The following SVOPL variants were observed in gnomAD, a reference collection of about 807,000 sequenced individuals.
SVOPL encodes the protein SVOP like.
SVOPL carries 60 observed loss-of-function variants against 61.0 expected under a neutral mutation model. The ratio of observed to expected loss-of-function variants is 0.98; its 90% CI spans 0.80 to 1.22. The LOEUF is 1.22. Ranked by LOEUF, SVOPL falls within the 50% of genes most tolerant of loss-of-function variation. SVOPL has a pLI of 0.00. For missense variants in SVOPL, 662 were observed against 643.9 expected (o/e 1.03, Z -0.30); for synonymous variants, 279 against 250.0 (o/e 1.12, Z -1.09).
chr7:138,644,771 A>G lies in SVOPL; in HGVS notation c.735T>C (p.Val245=). Residue 245 remains valine (V), a synonymous_variant, in exon 9 of 16, where the codon GTT becomes GTC. Transcript: ENST00000674285. ...TRAALATLER[V]AKMNRSVMPE... is the part of the protein sequence containing the mutation. The stretch of plus-strand genomic sequence containing the variant: ...GCATGACCGAGCGGTTCATCTTGGC[A>G]ACGCGCTCCAGAGTGGCCAGGGCAG... 2 of 1,614,180 alleles carry G rather than the reference A, an allele frequency of 1.2e-6. No individual in the cohort carries two copies. The highest frequency in any genetic ancestry group is 2.2e-5 in the East Asian group (1 of 44,874).
chr7:138,690,067 G>T (rs1563139827), intron 1 of SVOPL, among the ~76,000 whole-genome samples: 1 of 151,968 alleles, frequency 6.6e-6, no homozygotes, highest in Non-Finnish European at 1.5e-5. Context: ...TAGGGGAGAG[G>T]CATGAATCAG....
chr7:138,648,688 A>ACGCTGCACTCCAGCGC (rs1471882590), intron 8 of SVOPL, among the ~76,000 whole-genome samples: 15 of 151,086 alleles, frequency 9.9e-5, no homozygotes, highest in Admixed American at 1.3e-4. Flanking sequence ...AGCCTGGGGG[A>ACGCTGCACTCCAGCGC]CGCTGCACTC....
chr7:138,681,980 C>T (rs958300524), intron 1 of SVOPL, among the ~76,000 whole-genome samples: 2 of 152,164 alleles, frequency 1.3e-5, no homozygotes, highest in South Asian at 4.1e-4. Flanking sequence ...CCTCATTGAT[C>T]ACCTTTGGAG....
In SVOPL at chr7:138,678,433, C is replaced by T. The variant is rs555321942; in HGVS notation, c.174+1G>A. On this transcript the variant is annotated splice_donor_variant, in intron 3 of 15. Coordinates refer to ENST00000674285, the MANE Select transcript of SVOPL (RefSeq NM_001139456.2). LOFTEE classifies it high-confidence loss of function. Reference sequence around the variant, plus strand: ...CGTCAACATCTCGAAGGAGCACTCACCCCAGTACTGCCCATGATCAGAAAG... The same window carrying T: ...CGTCAACATCTCGAAGGAGCACTCATCCCAGTACTGCCCATGATCAGAAAG... 3.9e-6 allele frequency: 6 copies of T among 1,551,810 alleles called. No individual in the cohort carries two copies. In the South Asian group the frequency reaches 4.8e-5, roughly 12 times the overall value.
chr7:138,663,538 T>C (rs1441666915), intron 4 of SVOPL: 2 of 1,002,024 alleles, frequency 2.0e-6, no homozygotes, highest in Non-Finnish European at 2.4e-6. Flanking sequence ...TTTATGTTAT[T>C]ACAAATAGAC....
intron 7 of SVOPL, among the ~76,000 whole-genome samples, chr7:138,651,432 C>T (rs1381749694): frequency 6.6e-6 from 1 of 152,138 alleles, no homozygotes; most frequent in Non-Finnish European, 1.5e-5. Flanking sequence ...CATGCACAGG[C>T]ACACCTCCTT....
At chr7:138,606,815 G>T (rs62485281) in intron 14 of SVOPL, among the ~76,000 whole-genome samples, 48,640 of 151,788 alleles carry the variant, frequency 0.32, 8,190 homozygotes, top group Admixed American at 0.42. Flanking sequence ...TGAGCCGGGC[G>T]TGGTGGCGCA....
At chr7:138,596,363 G>T in intron 15 of SVOPL, 54 bp downstream of exon 15, 1 of 1,508,964 alleles carries the variant, frequency 6.6e-7, no homozygotes, top group Non-Finnish European at 9.1e-7. Flanking sequence ...AAGTTCATTT[G>T]CTCTGGGCAA....
At chr7:138,626,117 T>C in intron 12 of SVOPL, 67 bp from the exon 13 acceptor site, 1 of 1,468,014 alleles carries the variant, frequency 6.8e-7, no homozygotes, top group Non-Finnish European at 9.5e-7. Context: ...GTGGCCCAGC[T>C]TCGAGTGCAC....
In SVOPL at chr7:138,594,288, G is replaced by T. The variant is rs190945548; in HGVS notation, c.*322C>A. 46 of 182,042 alleles carry T rather than the reference G, an allele frequency of 2.5e-4. No individual in the cohort carries two copies. The highest frequency in any genetic ancestry group is 7.9e-4 in the Admixed American group (13 of 16,448). The allele number at this position is 182,042 out of a possible 1,614,324, so 11.3% of individuals were successfully genotyped here. On this transcript the variant is annotated 3_prime_UTR_variant, in exon 16 of 16. Transcript: ENST00000674285. ...CCTCATGGGAGAATATCAAATGTAA[G>T]TTTAAAATTTAGTATTTATTCATAT... is the stretch of plus-strand genomic sequence containing the variant.
At chr7:138,627,734 ATTTTAAGTG>A (rs1287717276) in intron 11 of SVOPL, among the ~76,000 whole-genome samples, 1 of 152,172 alleles carries the variant, frequency 6.6e-6, no homozygotes, top group Non-Finnish European at 1.5e-5. Context: ...CTAGGCCTGT[ATTTTAAGTG>A]TTTTATATGT....
At chr7:138,650,704 T>C (rs2117029622) in intron 7 of SVOPL, among the ~76,000 whole-genome samples, 1 of 100,918 alleles carries the variant, frequency 9.9e-6, no homozygotes, top group Non-Finnish European at 2.1e-5. Flanking sequence ...TCCCAGCTAC[T>C]TAGGAGGCTG....
chr7:138,659,657 C>T (rs1317072696), intron 6 of SVOPL, among the ~76,000 whole-genome samples: 20 of 152,100 alleles, frequency 1.3e-4, no homozygotes, highest in Admixed American at 1.3e-3. Context: ...ACCCCAACTA[C>T]CTTGGGCACA....
At chr7:138,697,616 A>C (rs1384259074) in intron 1 of SVOPL, among the ~76,000 whole-genome samples, 1 of 133,144 alleles carries the variant, frequency 7.5e-6, no homozygotes, top group Non-Finnish European at 1.5e-5. Context: ...TGCCTCAAAA[A>C]AAAAAAAAAA....
intron 7 of SVOPL, among the ~76,000 whole-genome samples, chr7:138,654,885 TA>T (rs34546434): frequency 0.011 from 985 of 88,280 alleles, 12 homozygotes; most frequent in East Asian, 0.055. Flanking sequence ...TTTTTTTTTT[TA>T]AAAAAAAAAA....
chr7:138,646,078 T>C, intron 8 of SVOPL: 1 of 174,294 alleles, frequency 5.7e-6, no homozygotes, highest in Non-Finnish European at 1.2e-5. Context: ...CCTCCCAAAG[T>C]GCTGGGATTA....
chr7:138,695,134 C>T (rs2117147339), intron 1 of SVOPL, among the ~76,000 whole-genome samples: 1 of 152,170 alleles, frequency 6.6e-6, no homozygotes, highest in East Asian at 1.9e-4. Flanking sequence ...ACAAATATTT[C>T]TTGAGCACTA....
chr7:138,678,021 C>A, intron 3 of SVOPL, among the ~76,000 whole-genome samples: 1 of 152,124 alleles, frequency 6.6e-6, no homozygotes, highest in Non-Finnish European at 1.5e-5. Flanking sequence ...CAGCCTCAGC[C>A]TCCCAAAGTG....
chr7:138,601,974 A>G (rs1467370959), intron 14 of SVOPL, among the ~76,000 whole-genome samples: 1 of 152,246 alleles, frequency 6.6e-6, no homozygotes, highest in Non-Finnish European at 1.5e-5. Context: ...ATGTAACTTC[A>G]AAGAATCAGA....
Sources: allele counts gnomAD v4.1 joint callset (sites outside exome capture counted in the v4.1 genomes callset), GRCh38; gene constraint gnomAD v4.1.1; transcripts MANE v1.5; gene names NCBI Gene and HGNC (gene_info 2026-07-23, HGNC 2026-07-21).